Variants in PIK3C2G observed in about 807,000 individuals in gnomAD.
PIK3C2G encodes phosphatidylinositol 3-kinase C2 domain-containing subunit gamma.
In PIK3C2G, 168 loss-of-function variants were observed where a neutral mutation model predicts 181.1. That is an observed-to-expected ratio of 0.93 (90% CI 0.82 to 1.05). The LOEUF (loss-of-function observed/expected upper bound fraction) is 1.05. PIK3C2G is among the 50% of genes least tolerant of loss of function. The pLI, the probability that PIK3C2G is intolerant of heterozygous loss-of-function variation, is 0.00. For synonymous variants in PIK3C2G, 573 were observed against 592.2 expected (o/e 0.97, Z 0.47); for missense variants, 1,869 against 1,732.8 (o/e 1.08, Z -1.40).
At chr12:18,524,459 T>C (rs1323647534) in intron 24 of PIK3C2G, among the ~76,000 whole-genome samples, 1 of 152,208 alleles carries the variant, frequency 6.6e-6, no homozygotes, top group Non-Finnish European at 1.5e-5. Context: ...CAGAAATCTT[T>C]GTCACTTTGT....
At chr12:18,448,551 C>T (rs1947158196) in intron 18 of PIK3C2G, among the ~76,000 whole-genome samples, 1 of 152,102 alleles carries the variant, frequency 6.6e-6, no homozygotes, top group Admixed American at 6.6e-5. Flanking sequence ...TGCCCCATTT[C>T]CTCTCCCTGT....
intron 15 of PIK3C2G, among the ~76,000 whole-genome samples, chr12:18,394,825 A>T (rs1357434951): frequency 6.6e-6 from 1 of 151,926 alleles, no homozygotes; most frequent in Non-Finnish European, 1.5e-5. Context: ...ATCAAACAAT[A>T]TGTGTGTATT....
rs1433710483 is a variant in PIK3C2G, at chr12:18,559,775, A to ATT, written c.3591-2927_3591-2926dup. 9.4e-3 allele frequency among the ~76,000 whole-genome samples: 489 copies of ATT among 51,952 alleles called. 5 individuals are homozygous for ATT. The highest frequency in any genetic ancestry group is 0.012 in the Non-Finnish European group (357 of 28,964). 34.1% of individuals were successfully genotyped at this position (51,952 alleles called of 152,430 possible). A position where few individuals can be genotyped will look rare whatever the true frequency, so the allele number is the denominator to read the frequency against. On this transcript the variant is annotated intron_variant, in intron 26 of 32. Coordinates refer to ENST00000538779, the MANE Select transcript of PIK3C2G (RefSeq NM_001288772.2). ...AATATCTCAGAATGTATTGTATGAAATTATATATATATATATATATATATA... is the reference window on the plus strand; with the variant it reads ...AATATCTCAGAATGTATTGTATGAAATTTTATATATATATATATATATATATA...
intron 5 of PIK3C2G, among the ~76,000 whole-genome samples, chr12:18,312,328 G>A (rs995094554): frequency 6.6e-6 from 1 of 152,180 alleles, no homozygotes; most frequent in Non-Finnish European, 1.5e-5. Context: ...GCACGCAGTA[G>A]CCATGTATGA....
At chr12:18,295,154 TTA>T (rs1949883600) in intron 5 of PIK3C2G, among the ~76,000 whole-genome samples, 2 of 150,846 alleles carry the variant, frequency 1.3e-5, no homozygotes, top group South Asian at 4.1e-4. Flanking sequence ...TAATAAATAT[TTA>T]TATGAAATTA....
chr12:18,286,703 T>C (rs1949459656), intron 2 of PIK3C2G, 144 bp from the exon 3 acceptor site: 1 of 538,452 alleles, frequency 1.9e-6, no homozygotes, highest in Non-Finnish European at 3.3e-6. Flanking sequence ...TTTTTCTATG[T>C]GTAAATATTA....
rs1317482621 is a variant in PIK3C2G, at chr12:18,491,458, T to A, written c.2693T>A (p.Leu898Gln). The A allele has an allele frequency of 6.4e-6, 10 of 1,559,094 alleles. No individual in the cohort carries two copies. Among genetic ancestry groups the A allele is most frequent in the Non-Finnish European group, 8.8e-6 (10 of 1,132,510 alleles). Residue 898 changes from leucine (L) to glutamine (Q), a missense_variant, in exon 20 of 33, where the codon CTG (leucine) becomes CAG (glutamine). Coordinates refer to ENST00000538779, the MANE Select transcript of PIK3C2G (RefSeq NM_001288772.2). Reference protein sequence around the residue: ...SASDHQRQEVLKKEIGRLEEF... With the variant: ...SASDHQRQEVQKKEIGRLEEF... The stretch of plus-strand genomic sequence containing the variant: ...TCTAATGATTTTTCACAGGAGGTAC[T>A]GAAGAAAGAAATTGGCAGACTAGAA...
the PIK3C2G span, among the ~76,000 whole-genome samples, chr12:18,720,149 A>G: frequency 1.3e-5 from 2 of 152,098 alleles, no homozygotes; most frequent in South Asian, 2.1e-4. Flanking sequence ...TCAACATTCT[A>G]TTTCAAAGAT....
At position 18,304,743 on chromosome 12, in the gene PIK3C2G, C is replaced by CT. The variant is rs577489450; in HGVS notation, c.1035-9213dup. 1.5e-3 allele frequency among the ~76,000 whole-genome samples: 232 copies of CT among 152,206 alleles called. 1 individual carries two copies. Among genetic ancestry groups the CT allele is most frequent in the African/African-American group, 5.3e-3 (222 of 41,544 alleles). On this transcript the variant is annotated intron_variant, in intron 5 of 32. Coordinates refer to ENST00000538779, the MANE Select transcript of PIK3C2G (RefSeq NM_001288772.2). ...GTATATATTGCTGGGGAAGAAGAGT[C>CT]TTTTTTCTTCTCAGTGAAGTTAAGG...
chr12:18,544,615 A>C (rs913177886), intron 25 of PIK3C2G, among the ~76,000 whole-genome samples: 1 of 151,840 alleles, frequency 6.6e-6, no homozygotes, highest in Non-Finnish European at 1.5e-5. Context: ...CAAAGAAGAT[A>C]TGAATTTCTT....
At chr12:18,501,494 A>T (rs950752154) in intron 22 of PIK3C2G, among the ~76,000 whole-genome samples, 1 of 152,138 alleles carries the variant, frequency 6.6e-6, no homozygotes, top group Non-Finnish European at 1.5e-5. Flanking sequence ...ATGAGATTTG[A>T]CTGGGGACAC....
the PIK3C2G span, chr12:18,692,672 C>A: frequency 1.5e-6 from 1 of 668,372 alleles, no homozygotes; most frequent in Non-Finnish European, 2.6e-6. Context: ...ATCATTTCTA[C>A]ATTGAAATCA....
chr12:18,530,963 C>T (rs889504593), intron 24 of PIK3C2G, among the ~76,000 whole-genome samples: 2 of 152,044 alleles, frequency 1.3e-5, no homozygotes, highest in African/African-American at 4.8e-5. Flanking sequence ...GAATAATACA[C>T]CTTTGGGATA....
At position 18,643,696 on chromosome 12, in the gene PIK3C2G, G is replaced by C. The variant is rs114723091; in HGVS notation, c.4308+3142G>C. Among the ~76,000 whole-genome samples the C allele has an allele frequency of 3.5e-3, 527 of 151,788 alleles. 2 individuals carry two copies. Among genetic ancestry groups the C allele is most frequent in the African/African-American group, 0.012 (504 of 41,352 alleles). ...TTTGTGTCAAACTCCTCGATCACTT[G>C]TGTGCAACCTCAAGAGCACCTTACT... On this transcript the variant is annotated intron_variant, in intron 32 of 32. Transcript: ENST00000538779.
chr12:18,425,800 T>G (rs555731048), intron 18 of PIK3C2G, among the ~76,000 whole-genome samples: 3 of 152,236 alleles, frequency 2.0e-5, no homozygotes, highest in Non-Finnish European at 4.4e-5. Context: ...CAAGGGTAGA[T>G]AAATACCATG....
At chr12:18,721,329 T>C in the PIK3C2G span, among the ~76,000 whole-genome samples, 2 of 152,116 alleles carry the variant, frequency 1.3e-5, no homozygotes, top group African/African-American at 4.8e-5. Flanking sequence ...CATTTGGAAC[T>C]ATAAGATCAT....
intron 29 of PIK3C2G, among the ~76,000 whole-genome samples, chr12:18,582,252 T>C (rs1444229049): frequency 1.3e-5 from 2 of 151,076 alleles, no homozygotes; most frequent in Non-Finnish European, 3.0e-5. Flanking sequence ...CCACAGAGAA[T>C]GGAGAAAAGC....
At chr12:18,360,505 T>C (rs1427579276) in intron 11 of PIK3C2G, among the ~76,000 whole-genome samples, 1 of 152,208 alleles carries the variant, frequency 6.6e-6, no homozygotes, top group African/African-American at 2.4e-5. Context: ...ATAGCATTGT[T>C]GCATTTCAAT....
At chr12:18,532,541 C>A (rs1257845129) in intron 24 of PIK3C2G, among the ~76,000 whole-genome samples, 2 of 152,002 alleles carry the variant, frequency 1.3e-5, no homozygotes, top group Non-Finnish European at 1.5e-5. Context: ...ATATGGGTGT[C>A]TAATTGTTCC....
Sources: allele counts gnomAD v4.1 joint callset (sites outside exome capture counted in the v4.1 genomes callset), GRCh38; gene constraint gnomAD v4.1.1; transcripts MANE v1.5; gene names NCBI Gene and HGNC (gene_info 2026-07-23, HGNC 2026-07-21).